SOAT1: variants seen among roughly 807,000 people sequenced by gnomAD.
SOAT1 encodes the protein sterol O-acyltransferase 1.
SOAT1 carries 55 observed loss-of-function variants against 69.5 expected under a neutral mutation model. The ratio of observed to expected loss-of-function variants is 0.79; its 90% CI spans 0.64 to 0.99. The LOEUF (loss-of-function observed/expected upper bound fraction) is 0.99. SOAT1 is among the 50% of genes least tolerant of loss of function. The pLI, the probability that SOAT1 is intolerant of heterozygous loss-of-function variation, is 0.00. For missense variants in SOAT1, 580 were observed against 669.3 expected (o/e 0.87, Z 1.47); for synonymous variants, 231 against 224.7 (o/e 1.03, Z -0.25).
intron 2 of SOAT1, among the ~76,000 whole-genome samples, chr1:179,304,761 G>A (rs1250904077): frequency 1.3e-5 from 2 of 152,000 alleles, no homozygotes; most frequent in Non-Finnish European, 2.9e-5. Context: ...TGATCCTCCT[G>A]CCTCACCCTC....
At chr1:179,333,387 A>G (rs1179559685) in intron 3 of SOAT1, among the ~76,000 whole-genome samples, 2 of 102,358 alleles carry the variant, frequency 2.0e-5, no homozygotes, top group Non-Finnish European at 3.9e-5. Flanking sequence ...TAACTAGGAT[A>G]TTCCTCTTCT....
intron 2 of SOAT1, among the ~76,000 whole-genome samples, chr1:179,310,804 C>T (rs933148629): frequency 1.3e-5 from 2 of 152,174 alleles, no homozygotes; most frequent in African/African-American, 2.4e-5. Flanking sequence ...AGTGCCTACA[C>T]GTTAGCTAAT....
At chr1:179,338,154 T>G (rs1438114360) in intron 5 of SOAT1, among the ~76,000 whole-genome samples, 1 of 152,108 alleles carries the variant, frequency 6.6e-6, no homozygotes, top group Admixed American at 6.6e-5. Flanking sequence ...TTTGGGAGGC[T>G]GAGACAGGCA....
chr1:179,314,702 A>G (rs1349551324), intron 2 of SOAT1, among the ~76,000 whole-genome samples: 1 of 152,122 alleles, frequency 6.6e-6, no homozygotes, highest in Non-Finnish European at 1.5e-5. Flanking sequence ...CTGGGATGAT[A>G]ATAGGCGTGA....
chr1:179,344,798 T>C, intron 10 of SOAT1, 149 bp from the exon 11 acceptor site: 1 of 693,980 alleles, frequency 1.4e-6, no homozygotes, highest in Non-Finnish European at 2.5e-6. Flanking sequence ...CCTGAAGGAT[T>C]ATAGCAGTCT....
chr1:179,341,184 C>G lies in SOAT1; in HGVS notation c.654C>G (p.Ile218Met), dbSNP rs1308764115. ...TGYSKSSHPLIRSLFHGFLFM... is the reference protein window; with the variant it reads ...TGYSKSSHPLMRSLFHGFLFM... ...ATAGCAAGAGTTCTCATCCGCTGAT[C>G]CGTTCTCTCTTCCATGGCTTTCTTT... The change falls in exon 7 of 16, where the codon ATC becomes ATG. Residue 218 changes from isoleucine to methionine, a missense_variant. By Grantham distance (10) the Ile-to-Met change is conservative (BLOSUM62 1). Coordinates refer to ENST00000367619, the MANE Select transcript of SOAT1 (RefSeq NM_003101.6). The G allele has an allele frequency of 3.7e-6, 6 of 1,614,086 alleles. No individual in the cohort carries two copies. The highest frequency in any genetic ancestry group is 3.4e-6 in the Non-Finnish European group (4 of 1,179,998).
intron 2 of SOAT1, among the ~76,000 whole-genome samples, chr1:179,319,831 G>A (rs1665532694): frequency 1.3e-5 from 2 of 151,954 alleles, no homozygotes; most frequent in Non-Finnish European, 2.9e-5. Context: ...GTCCAGGCTG[G>A]TCTCAAACTC....
At chr1:179,310,592 A>T (rs1665190120) in intron 2 of SOAT1, among the ~76,000 whole-genome samples, 1 of 152,204 alleles carries the variant, frequency 6.6e-6, no homozygotes, top group African/African-American at 2.4e-5. Flanking sequence ...AAGATTGAAA[A>T]GTGATTGACT....
chr1:179,345,251 A>G (rs894034223), intron 11 of SOAT1, among the ~76,000 whole-genome samples, 175 bp downstream of exon 11: 1 of 152,144 alleles, frequency 6.6e-6, no homozygotes, highest in Non-Finnish European at 1.5e-5. Context: ...ATCCAGTCTC[A>G]GGTCAGTCTT....
rs1338268103 is a variant in SOAT1 at position 179,345,089 on chromosome 1, C to G, written c.1117+13C>G. On this transcript the variant is annotated intron_variant, in intron 11 of 15. Transcript: ENST00000367619. ...TCCATCTTGCCAGGTAACATGGGTA[C>G]TTGTTAATTTGGTCATGCATAAATT... 2 of 1,612,536 alleles carry G rather than the reference C, an allele frequency of 1.2e-6. No homozygotes were observed. The highest frequency in any genetic ancestry group is 1.7e-6 in the Non-Finnish European group (2 of 1,178,986).
chr1:179,309,842 A>C (rs1486558180), intron 2 of SOAT1, among the ~76,000 whole-genome samples: 2 of 150,750 alleles, frequency 1.3e-5, no homozygotes, highest in African/African-American at 4.9e-5. Flanking sequence ...GTTTTTATAT[A>C]TCAAATATTC....
intron 2 of SOAT1, among the ~76,000 whole-genome samples, chr1:179,308,670 C>CA (rs552539528): frequency 0.27 from 27,108 of 98,884 alleles, 3,507 homozygotes; most frequent in East Asian, 0.46. Context: ...AGACTCCGTC[C>CA]AAAAAAAAAA....
At chr1:179,316,356 C>T (rs926204526) in intron 2 of SOAT1, among the ~76,000 whole-genome samples, 1 of 151,490 alleles carries the variant, frequency 6.6e-6, no homozygotes, top group Non-Finnish European at 1.5e-5. Flanking sequence ...TTAACCCCTG[C>T]GTCAGACAGT....
chr1:179,351,509 T>G (rs1666732544), intron 15 of SOAT1, 47 bp downstream of exon 15: 2 of 1,590,432 alleles, frequency 1.3e-6, no homozygotes, highest in Non-Finnish European at 8.6e-7. Context: ...GTTTATTCTC[T>G]GTTTGTGAGA....
At chr1:179,332,362 G>A (rs1666001075) in intron 3 of SOAT1, among the ~76,000 whole-genome samples, 1 of 152,028 alleles carries the variant, frequency 6.6e-6, no homozygotes, top group South Asian at 2.1e-4. Context: ...ATTATCATCT[G>A]TTCCTTTAAC....
chr1:179,335,662 G>GTATGTGCTATTT lies in SOAT1; in HGVS notation c.329+7_329+18dup. The GTATGTGCTATTT allele has an allele frequency of 1.2e-6, 2 of 1,607,084 alleles. No individual in the cohort carries two copies. Among genetic ancestry groups the GTATGTGCTATTT allele is most frequent in the Non-Finnish European group, 1.7e-6 (2 of 1,177,152 alleles). ...GAAAAACAACCATAGAGCGAAGTAA[G>GTATGTGCTATTT]TATGTGCTATTTTCTTTTAATGCAA... On this transcript the variant is annotated splice_donor_region_variant and intron_variant, in intron 4 of 15. Transcript: ENST00000367619.
At chr1:179,312,119 G>A (rs1160733761) in intron 2 of SOAT1, among the ~76,000 whole-genome samples, 1 of 152,226 alleles carries the variant, frequency 6.6e-6, no homozygotes, top group African/African-American at 2.4e-5. Flanking sequence ...AACTACTTTT[G>A]TGAGGAATGT....
rs1429459232 is a variant in SOAT1 at position 179,356,522 on chromosome 1, G to GA, written c.*2881_*2882insA. ...GAGTCTTGTTCTGTCGCCCAGGCCA[G>GA]TTTTTTTTTTCTTGTACAGATGGGG... is the stretch of plus-strand genomic sequence containing the variant. On this transcript the variant is annotated 3_prime_UTR_variant, in exon 16 of 16. Transcript: ENST00000367619. 9.0e-6 allele frequency: 1 copy of GA among 111,460 alleles called. No individual in the cohort carries two copies. The highest frequency in any genetic ancestry group is 1.8e-5 in the Non-Finnish European group (1 of 56,486). 6.9% of individuals were successfully genotyped at this position (111,460 alleles called of 1,614,324 possible). A position where few individuals can be genotyped will look rare whatever the true frequency, so the allele number is the denominator to read the frequency against.
chr1:179,304,896 G>A (rs1034451121), intron 2 of SOAT1, among the ~76,000 whole-genome samples: 23 of 151,436 alleles, frequency 1.5e-4, no homozygotes, highest in African/African-American at 2.2e-4. Flanking sequence ...TGGTTGCCCC[G>A]ACCTCCCAAA....
Sources: allele counts gnomAD v4.1 joint callset (sites outside exome capture counted in the v4.1 genomes callset), GRCh38; gene constraint gnomAD v4.1.1; transcripts MANE v1.5; gene names NCBI Gene and HGNC (gene_info 2026-07-23, HGNC 2026-07-21).